The following TBC1D22A variants were observed in gnomAD, a reference collection of about 807,000 sequenced individuals.
The protein encoded by TBC1D22A is TBC1 domain family member 22A.
A neutral mutation model predicts 60.2 loss-of-function variants in TBC1D22A; 38 were observed. The ratio of observed to expected loss-of-function variants is 0.63; its 90% confidence interval spans 0.49 to 0.83. The LOEUF (loss-of-function observed/expected upper bound fraction) is 0.83, where lower values mean the gene tolerates loss of function less well. Among genes scored for constraint, TBC1D22A ranks in the 40% least tolerant of loss-of-function variants. The pLI is 0.00. For synonymous variants in TBC1D22A, 302 were observed against 281.7 expected (o/e 1.07, Z -0.72); for missense variants, 628 against 701.0 (o/e 0.90, Z 1.18).
At chr22:47,008,673 T>G (rs146472644) in intron 10 of TBC1D22A, among the ~76,000 whole-genome samples, 2,042 of 152,356 alleles carry the variant, frequency 0.013, 20 homozygotes, top group Middle Eastern at 0.031. Context: ...GAAGGCAGCC[T>G]GTCCCTGCCC....
At chr22:47,160,479 C>T (rs912240435) in intron 12 of TBC1D22A, among the ~76,000 whole-genome samples, 2 of 152,178 alleles carry the variant, frequency 1.3e-5, no homozygotes, top group Non-Finnish European at 2.9e-5. Context: ...CAGCTGCAGC[C>T]CCAAGCACAG....
Position 47,162,964 on chromosome 22 carries a change from G to A in TBC1D22A, c.1426-10534G>A, listed in dbSNP as rs181982229. 5.3e-5 allele frequency among the ~76,000 whole-genome samples: 8 copies of A among 152,302 alleles called. No homozygotes were observed. The East Asian group carries it at 5.8e-4, about 11-fold the overall frequency. The stretch of plus-strand genomic sequence containing the variant: ...GAATTACAGACCACACCATGCCCAC[G>A]CCCAATCTGCGAACCCCACCTCAGG... On this transcript the variant is annotated intron_variant, in intron 12 of 12. Coordinates refer to ENST00000337137, the MANE Select transcript of TBC1D22A (RefSeq NM_014346.5).
chr22:47,030,243 G>A (rs535332678), intron 10 of TBC1D22A, among the ~76,000 whole-genome samples: 2 of 152,296 alleles, frequency 1.3e-5, no homozygotes, highest in Admixed American at 6.5e-5. Flanking sequence ...TTGTGCGGGG[G>A]GTTGAAAGGT....
At chr22:46,898,998 G>A (rs1482559441) in intron 7 of TBC1D22A, among the ~76,000 whole-genome samples, 1 of 152,194 alleles carries the variant, frequency 6.6e-6, no homozygotes, top group African/African-American at 2.4e-5. Context: ...AGTTCAGCAA[G>A]GCTTGGCAGA....
chr22:46,810,753 T>A (rs2085344723), intron 4 of TBC1D22A, among the ~76,000 whole-genome samples: 1 of 152,148 alleles, frequency 6.6e-6, no homozygotes, highest in Non-Finnish European at 1.5e-5. Context: ...AATAATTACA[T>A]AATTGGCGAG....
intron 4 of TBC1D22A, among the ~76,000 whole-genome samples, chr22:46,844,918 A>G (rs555730561): frequency 3.2e-4 from 49 of 152,282 alleles, no homozygotes; most frequent in South Asian, 2.9e-3. Context: ...GGTGGTCTCA[A>G]AAGTCCTGTG....
intron 4 of TBC1D22A, among the ~76,000 whole-genome samples, chr22:46,839,273 G>A (rs2086649446): frequency 6.6e-6 from 1 of 151,372 alleles, no homozygotes; most frequent in African/African-American, 2.4e-5. Flanking sequence ...TGATACTTTG[G>A]TGTGAATGTA....
intron 9 of TBC1D22A, among the ~76,000 whole-genome samples, chr22:46,979,180 GA>G (rs1229055336): frequency 3.3e-5 from 5 of 152,104 alleles, no homozygotes; most frequent in African/African-American, 1.2e-4. Context: ...TTTAAATGTT[GA>G]TAAGTTTCAT....
At chr22:46,943,156 A>C (rs2072280901) in intron 8 of TBC1D22A, among the ~76,000 whole-genome samples, 1 of 151,880 alleles carries the variant, frequency 6.6e-6, no homozygotes, top group African/African-American at 2.4e-5. Flanking sequence ...GAAGAGAGAA[A>C]TGTCCTCCGA....
chr22:46,914,479 G>A (rs908141540), intron 8 of TBC1D22A: 1 of 151,418 alleles, frequency 6.6e-6, no homozygotes, highest in Non-Finnish European at 1.5e-5. Flanking sequence ...TTTCACATGT[G>A]ATTATTGCAT....
intron 10 of TBC1D22A, among the ~76,000 whole-genome samples, chr22:47,003,956 C>T (rs1380897468): frequency 7.0e-6 from 1 of 142,116 alleles, no homozygotes; most frequent in Admixed American, 6.8e-5. Context: ...ACCCTACGCA[C>T]GCATGCCTGT....
chr22:47,145,589 G>A (rs552291244), intron 12 of TBC1D22A, among the ~76,000 whole-genome samples: 14 of 152,230 alleles, frequency 9.2e-5, no homozygotes, highest in Non-Finnish European at 1.8e-4. Flanking sequence ...AGAAGGCAGG[G>A]AAAGGGCTGT....
At chr22:46,878,104 C>T (rs1033260518) in intron 4 of TBC1D22A, among the ~76,000 whole-genome samples, 2 of 151,976 alleles carry the variant, frequency 1.3e-5, no homozygotes, top group Admixed American at 1.3e-4. Context: ...AGAATATGGC[C>T]ACATCCTTAA....
At chr22:47,102,325 G>A (rs993343370) in intron 11 of TBC1D22A, among the ~76,000 whole-genome samples, 1 of 152,096 alleles carries the variant, frequency 6.6e-6, no homozygotes, top group Admixed American at 6.5e-5. Flanking sequence ...ACAGCCCCGG[G>A]GGCTTCTCCA....
intron 9 of TBC1D22A, among the ~76,000 whole-genome samples, chr22:46,994,257 G>A (rs1436783328): frequency 6.6e-6 from 1 of 152,204 alleles, no homozygotes; most frequent in Non-Finnish European, 1.5e-5. Flanking sequence ...CTAAAATCCT[G>A]TCTTAGTGGG....
intron 11 of TBC1D22A, among the ~76,000 whole-genome samples, chr22:47,073,766 C>T (rs1023856931): frequency 9.2e-5 from 14 of 152,130 alleles, no homozygotes; most frequent in African/African-American, 3.4e-4. Context: ...GGCAAACAGC[C>T]CTTTGTTCCT....
At chr22:47,025,971 C>T (rs1034645591) in intron 10 of TBC1D22A, among the ~76,000 whole-genome samples, 29 of 152,268 alleles carry the variant, frequency 1.9e-4, no homozygotes, top group Admixed American at 1.8e-3. Flanking sequence ...AGACTGGTAT[C>T]CATCATGAGC....
At chr22:47,040,567 T>TG (rs1473643234) in intron 11 of TBC1D22A, among the ~76,000 whole-genome samples, 5 of 97,528 alleles carry the variant, frequency 5.1e-5, no homozygotes, top group African/African-American at 2.1e-4. Flanking sequence ...GAAGCTCGGA[T>TG]GGGGGGTGGG....
intron 7 of TBC1D22A, among the ~76,000 whole-genome samples, chr22:46,903,381 T>C (rs554851153): frequency 1.3e-5 from 2 of 152,286 alleles, no homozygotes; most frequent in African/African-American, 4.8e-5. Context: ...CTGTTTGCCC[T>C]CCCCGCCCTG....
Sources: allele counts gnomAD v4.1 joint callset (sites outside exome capture counted in the v4.1 genomes callset), GRCh38; gene constraint gnomAD v4.1.1; transcripts MANE v1.5; gene names NCBI Gene and HGNC (gene_info 2026-07-23, HGNC 2026-07-21).